The following HDHD2 variants were observed in gnomAD, a reference collection of about 807,000 sequenced individuals.
HDHD2 encodes haloacid dehalogenase-like hydrolase domain-containing protein 2.
A neutral mutation model predicts 24.8 loss-of-function variants in HDHD2; 26 were observed. The ratio of observed to expected loss-of-function variants is 1.05; its 90% CI spans 0.77 to 1.45. HDHD2 has a LOEUF of 1.45. HDHD2 is among the 40% of genes most tolerant of loss of function. HDHD2 has a pLI of 0.00. For synonymous variants in HDHD2, 128 were observed against 114.9 expected (o/e 1.11, Z -0.73); for missense variants, 299 against 313.4 (o/e 0.95, Z 0.35).
intron 1 of HDHD2, among the ~76,000 whole-genome samples, chr18:47,139,635 C>T (rs1274492814): frequency 2.0e-5 from 3 of 152,102 alleles, no homozygotes; most frequent in South Asian, 4.1e-4. Context: ...GGTCAGGACT[C>T]GTGACTGGTG....
At chr18:47,111,367 T>TAA (rs547835822) in intron 6 of HDHD2, 102 of 884,734 alleles carry the variant, frequency 1.2e-4, no homozygotes, top group Middle Eastern at 6.0e-4. Context: ...TTACATGAGC[T>TAA]AAAAAAAAAA....
intron 2 of HDHD2, among the ~76,000 whole-genome samples, chr18:47,135,258 CTTT>C (rs904719955): frequency 0.065 from 8,266 of 127,994 alleles, 182 homozygotes; most frequent in East Asian, 0.12. Flanking sequence ...TAGATTTTTT[CTTT>C]TTTTTTTTTT....
chr18:47,109,239 C>T, intron 6 of HDHD2: 1 of 156,056 alleles, frequency 6.4e-6, no homozygotes, highest in Non-Finnish European at 1.4e-5. Flanking sequence ...AGCCCGGGAG[C>T]CCAGCAGATG....
rs1447290719 is a variant in HDHD2, at chr18:47,107,493, T to C, written c.*1189A>G. The C allele has an allele frequency of 1.3e-5, 2 of 152,648 alleles. No homozygotes were observed. The highest frequency in any genetic ancestry group is 2.4e-5 in the African/African-American group (1 of 41,464). The allele number at this position is 152,648 out of a possible 1,614,324, so 9.5% of individuals were successfully genotyped here. ...AACAAGCATCAAAACCCGAAGCTCATTAACATCAGAGTGAGCTTCAATAAG... is the reference window on the plus strand; with the variant it reads ...AACAAGCATCAAAACCCGAAGCTCACTAACATCAGAGTGAGCTTCAATAAG... On this transcript the variant is annotated 3_prime_UTR_variant, in exon 7 of 7. Transcript: ENST00000300605.
chr18:47,127,685 T>C (rs2063672408), intron 4 of HDHD2, among the ~76,000 whole-genome samples: 1 of 141,722 alleles, frequency 7.1e-6, no homozygotes, highest in Admixed American at 7.4e-5. Flanking sequence ...CACTCCAGCC[T>C]GGATGACAGA....
At chr18:47,120,735 C>T (rs1309068421) in intron 4 of HDHD2, among the ~76,000 whole-genome samples, 1 of 152,168 alleles carries the variant, frequency 6.6e-6, no homozygotes, top group South Asian at 2.1e-4. Flanking sequence ...ATGTATGATT[C>T]TTCCTTTCAC....
chr18:47,123,782 T>C (rs2063630048), intron 4 of HDHD2, among the ~76,000 whole-genome samples: 1 of 152,208 alleles, frequency 6.6e-6, no homozygotes, highest in Non-Finnish European at 1.5e-5. Flanking sequence ...GATATATTAT[T>C]GTACAGATGT....
chr18:47,141,459 T>C (rs2063818826), intron 1 of HDHD2, among the ~76,000 whole-genome samples: 1 of 152,182 alleles, frequency 6.6e-6, no homozygotes, highest in African/African-American at 2.4e-5. Context: ...GGCTGAGTCA[T>C]TAAAGAGGGT....
chr18:47,128,398 A>G (rs2063680557), intron 4 of HDHD2, among the ~76,000 whole-genome samples: 1 of 152,200 alleles, frequency 6.6e-6, no homozygotes. Flanking sequence ...AAATTCAGAA[A>G]AAATAATAGC....
At chr18:47,127,615 C>T (rs2063671462) in intron 4 of HDHD2, among the ~76,000 whole-genome samples, 1 of 149,604 alleles carries the variant, frequency 6.7e-6, no homozygotes, top group Non-Finnish European at 1.5e-5. Context: ...TGGTCCATTA[C>T]TTAAATGCTC....
chr18:47,111,725 T>C, intron 6 of HDHD2: 4 of 985,414 alleles, frequency 4.1e-6, no homozygotes, highest in Non-Finnish European at 4.8e-6. Context: ...GTTTTCACTC[T>C]TTGTGCAGAC....
At position 47,134,326 on chromosome 18, in the gene HDHD2, A is replaced by C. The variant is rs539191986; in HGVS notation, c.310+170T>G. ...ATGTGTTTCACTTACTGTGGATTAC[A>C]GTCAAAAAAAGGTTTGGGAAATGCC... is the stretch of plus-strand genomic sequence containing the variant. On this transcript the variant is annotated intron_variant, in intron 3 of 6. Coordinates refer to ENST00000300605, the MANE Select transcript of HDHD2 (RefSeq NM_032124.5). 20 of 611,958 alleles carry C rather than the reference A, an allele frequency of 3.3e-5. 1 individual carries two copies. The Admixed American group carries it at 5.6e-4, about 17-fold the overall frequency. 37.9% of individuals were successfully genotyped at this position (611,958 alleles called of 1,614,324 possible). A position where few individuals can be genotyped will look rare whatever the true frequency, so the allele number is the denominator to read the frequency against.
At chr18:47,125,347 A>G (rs572026787) in intron 4 of HDHD2, among the ~76,000 whole-genome samples, 1 of 152,312 alleles carries the variant, frequency 6.6e-6, no homozygotes, top group South Asian at 2.1e-4. Context: ...TACTAAAACT[A>G]AACAATTACC....
In HDHD2 at chr18:47,134,590, T is replaced by A. The variant is rs2063745551; in HGVS notation, c.216A>T (p.Ile72=). 4 of 1,613,744 alleles carry A rather than the reference T, an allele frequency of 2.5e-6. No homozygotes were observed. The highest frequency in any genetic ancestry group is 3.4e-6 in the Non-Finnish European group (4 of 1,179,698). ...KLEFDISEDE[I]FTSLTAARSL... ...TTCTGGCTGCAGTCAGAGATGTGAA[T>A]ATTTCATCTTCAGAGATATCAAATT... is the stretch of plus-strand genomic sequence containing the variant. Residue 72 remains isoleucine (I), a synonymous_variant, in exon 3 of 7, where the codon ATA becomes ATT. Coordinates refer to ENST00000300605, the MANE Select transcript of HDHD2 (RefSeq NM_032124.5).
At chr18:47,121,428 C>A (rs990232137) in intron 4 of HDHD2, among the ~76,000 whole-genome samples, 1 of 152,158 alleles carries the variant, frequency 6.6e-6, no homozygotes, top group African/African-American at 2.4e-5. Context: ...CATCCCTATT[C>A]ACTAGGAAAT....
intron 2 of HDHD2, among the ~76,000 whole-genome samples, chr18:47,135,534 T>G (rs1014927085): frequency 5.3e-5 from 8 of 152,186 alleles, no homozygotes; most frequent in African/African-American, 1.9e-4. Flanking sequence ...GTGCTGGGAT[T>G]ACAGGCGTGA....
chr18:47,108,613 A>T lies in HDHD2; in HGVS notation c.*69T>A. 1.2e-6 allele frequency: 1 copy of T among 807,720 alleles called. No individual in the cohort carries two copies. 50.0% of individuals were successfully genotyped at this position (807,720 alleles called of 1,614,324 possible). A position where few individuals can be genotyped will look rare whatever the true frequency, so the allele number is the denominator to read the frequency against. ...CTGGTGTCTACCGATGCTGGCACTG[A>T]GTTGGTAAGGGATTCATTCCAGACA... On this transcript the variant is annotated 3_prime_UTR_variant, in exon 7 of 7. Transcript: ENST00000300605.
At chr18:47,136,220 C>A in intron 2 of HDHD2, 119 bp downstream of exon 2, 1 of 1,238,958 alleles carries the variant, frequency 8.1e-7, no homozygotes, top group Non-Finnish European at 1.1e-6. Context: ...CAAGGCAGTT[C>A]CTATATATGG....
intron 4 of HDHD2, among the ~76,000 whole-genome samples, chr18:47,122,767 A>G (rs940772648): frequency 5.3e-5 from 8 of 152,218 alleles, no homozygotes; most frequent in Non-Finnish European, 7.3e-5. Flanking sequence ...TAAAGACTCA[A>G]TGTTCCACAT....
Sources: gnomAD v4.1 joint callset for allele counts (sites outside exome capture counted in the v4.1 genomes callset) on GRCh38, gnomAD v4.1.1 for gene constraint, MANE v1.5 for transcripts, NCBI Gene and HGNC (gene_info 2026-07-23, HGNC 2026-07-21) for gene names.